Variants in GSTM4 observed in about 807,000 individuals in gnomAD.
GSTM4 encodes the protein GST class-mu 4.
Under a neutral mutation model 30.1 loss-of-function variants are expected in GSTM4, and 27 were observed. That is an observed-to-expected ratio of 0.90 (90% CI 0.66 to 1.24). GSTM4 has a LOEUF of 1.24. GSTM4 is among the 50% of genes most tolerant of loss of function. The pLI is 0.00. For synonymous variants in GSTM4, 94 were observed against 96.2 expected, an observed-to-expected ratio of 0.98 and a Z score of 0.13; for missense variants, 238 against 272.1, an observed-to-expected ratio of 0.87 and a Z score of 0.88.
Position 109,657,682 on chromosome 1 carries a change from T to C in GSTM4, c.259+11T>C, listed in dbSNP as rs1557951757. The C allele has an allele frequency of 6.2e-7, 1 of 1,614,046 alleles. No homozygotes were observed. Among genetic ancestry groups the C allele is most frequent in the Non-Finnish European group, 8.5e-7 (1 of 1,180,030 alleles). On this transcript the variant is annotated intron_variant, in intron 4 of 7. Transcript: ENST00000369836. Reference sequence around the variant, plus strand: ...GCAAGCACAACCTGTGTGAGTGTGGTTGGCTGCAGTGTGTGGGGGGAAGGT... The same window carrying C: ...GCAAGCACAACCTGTGTGAGTGTGGCTGGCTGCAGTGTGTGGGGGGAAGGT...
chr1:109,659,895 A>G (rs952757841), intron 7 of GSTM4: 1 of 442,016 alleles, frequency 2.3e-6, no homozygotes, highest in African/African-American at 2.1e-5. Flanking sequence ...TGGGAGTTGC[A>G]TAGATGACTG....
intron 5 of GSTM4, 40 bp downstream of exon 5, chr1:109,657,912 A>T (rs1240747884): frequency 6.5e-7 from 1 of 1,549,870 alleles, no homozygotes; most frequent in Non-Finnish European, 8.9e-7. Flanking sequence ...CCAGGCTTGT[A>T]TTCCCATCTA....
downstream of GSTM4, chr1:109,665,007 C>T: frequency 6.2e-7 from 1 of 1,608,874 alleles, no homozygotes; most frequent in Non-Finnish European, 8.5e-7. Flanking sequence ...TGATTCTGTT[C>T]TAGGTTTCCT....
Position 109,661,594 on chromosome 1 carries a change from T to G in GSTM4, c.*340T>G. On this transcript the variant is annotated 3_prime_UTR_variant, in exon 8 of 8. Coordinates refer to ENST00000369836, the MANE Select transcript of GSTM4 (RefSeq NM_000850.5). ...GCCCCTCGCCTGTGGAGCTCAGCCC[T>G]GAGCTGTCCCCGTGTTGCATGACAG... The G allele has an allele frequency of 8.0e-7, 1 of 1,253,008 alleles. No individual in the cohort carries two copies. The highest frequency in any genetic ancestry group is 1.0e-6 in the Non-Finnish European group (1 of 987,838). 77.6% of individuals were successfully genotyped at this position (1,253,008 alleles called of 1,614,324 possible). A position where few individuals can be genotyped will look rare whatever the true frequency, so the allele number is the denominator to read the frequency against.
downstream of GSTM4, among the ~76,000 whole-genome samples, chr1:109,666,508 A>G (rs1647327325): frequency 6.6e-6 from 1 of 152,158 alleles, no homozygotes; most frequent in African/African-American, 2.4e-5. Context: ...AAGGCTGCCC[A>G]GCCTGTCCAC....
chr1:109,661,807 AT>A, downstream of GSTM4: 1 of 622,680 alleles, frequency 1.6e-6, no homozygotes, highest in Non-Finnish European at 2.0e-6. Context: ...GTTCATAGAG[AT>A]TATGATGGGC....
downstream of GSTM4, among the ~76,000 whole-genome samples, chr1:109,664,631 A>G (rs1182541761): frequency 6.6e-6 from 1 of 152,028 alleles, no homozygotes. Flanking sequence ...AAGTGCTAGG[A>G]TTACAGGCTT....
downstream of GSTM4, among the ~76,000 whole-genome samples, chr1:109,664,302 T>C (rs1647225836): frequency 6.7e-6 from 1 of 148,924 alleles, no homozygotes; most frequent in African/African-American, 2.5e-5. Context: ...AATGGTGTTA[T>C]GGTATTATCA....
At chr1:109,665,359 C>A (rs1029799173), downstream of GSTM4, 4 of 370,848 alleles carry the variant, frequency 1.1e-5, no homozygotes, top group African/African-American at 8.1e-5. Flanking sequence ...AGGCCTTTAG[C>A]CTCTGAATGA....
chr1:109,661,265 G>T lies in GSTM4; in HGVS notation c.*11G>T. The T allele has an allele frequency of 1.2e-6, 2 of 1,612,394 alleles. No homozygotes were observed. Among genetic ancestry groups the T allele is most frequent in the Non-Finnish European group, 1.7e-6 (2 of 1,179,674 alleles). ...TGGGGCAACAAGTAATGCCTTGAAG[G>T]CCAGGAGGTGGGAGTGAGGAGCCCA... is the stretch of plus-strand genomic sequence containing the variant. On this transcript the variant is annotated 3_prime_UTR_variant, in exon 8 of 8. Transcript: ENST00000369836.
intron 3 of GSTM4, 140 bp downstream of exon 3, chr1:109,657,419 C>A (rs1374759249): frequency 2.8e-6 from 4 of 1,407,046 alleles, no homozygotes; most frequent in African/African-American, 1.4e-5. Context: ...ACAGCCCCTG[C>A]ATGATGTTCT....
chr1:109,664,590 C>T (rs535361949), downstream of GSTM4, among the ~76,000 whole-genome samples: 2 of 151,824 alleles, frequency 1.3e-5, no homozygotes, highest in Non-Finnish European at 2.9e-5. Flanking sequence ...GAACTCCTGA[C>T]CTCACGTGAT....
rs182526039 is a variant in GSTM4, at chr1:109,660,834, T to C, written c.568-331T>C. On this transcript the variant is annotated intron_variant, in intron 7 of 7. Transcript: ENST00000369836. Reference sequence around the variant, plus strand: ...AGTTACTGAACTTCTGTTTCCCACATGAGAAATGGTGATAATAGATTCAGC... The same window carrying C: ...AGTTACTGAACTTCTGTTTCCCACACGAGAAATGGTGATAATAGATTCAGC... 9 of 317,240 alleles carry C rather than the reference T, an allele frequency of 2.8e-5. No homozygotes were observed. In the East Asian group the frequency reaches 6.1e-4, roughly 22 times the overall value. The allele number at this position is 317,240 out of a possible 1,614,324, so 19.7% of individuals were successfully genotyped here. A position where few individuals can be genotyped will look rare whatever the true frequency, so the allele number is the denominator to read the frequency against.
chr1:109,658,650 T>G, intron 5 of GSTM4, 164 bp from the exon 6 acceptor site: 2 of 645,962 alleles, frequency 3.1e-6, no homozygotes, highest in Non-Finnish European at 5.6e-6. Flanking sequence ...CAGCTACCCA[T>G]TTGGAGTGTA....
In GSTM4 at chr1:109,656,698, G is replaced by T; in HGVS notation, c.37-14G>T. The stretch of plus-strand genomic sequence containing the variant: ...CCTCCATCTCTGACACGACCTGCGG[G>T]CCATCTCTTCCAGCTGGCCCACGCC... On this transcript the variant is annotated splice_polypyrimidine_tract_variant and intron_variant, in intron 1 of 7. Transcript: ENST00000369836. 6.2e-7 allele frequency: 1 copy of T among 1,613,206 alleles called. No individual in the cohort carries two copies. Among genetic ancestry groups the T allele is most frequent in the Non-Finnish European group, 8.5e-7 (1 of 1,179,366 alleles).
Position 109,658,927 on chromosome 1 carries a change from T to C in GSTM4, c.456+18T>C. On this transcript the variant is annotated intron_variant, in intron 6 of 7. Transcript: ENST00000369836. ...GAGACAAGGTAATGGGGGCATGTGA[T>C]GAGGACACTAGAGATTTGCCATACA... 6.2e-7 allele frequency: 1 copy of C among 1,612,124 alleles called. No individual in the cohort carries two copies. Among genetic ancestry groups the C allele is most frequent in the South Asian group, 1.1e-5 (1 of 91,046 alleles).
intron 3 of GSTM4, 117 bp from the exon 4 acceptor site, chr1:109,657,473 G>A: frequency 6.7e-7 from 1 of 1,499,544 alleles, no homozygotes; most frequent in East Asian, 2.3e-5. Context: ...TCTATGTCAG[G>A]CCTGCCATGA....
chr1:109,661,124 C>T (rs1216537528), intron 7 of GSTM4, 41 bp from the exon 8 acceptor site: 3 of 1,608,762 alleles, frequency 1.9e-6, no homozygotes, highest in East Asian at 4.5e-5. Flanking sequence ...CCCTCATGGG[C>T]AGCTGACCTT....
intron 5 of GSTM4, chr1:109,658,367 C>T (rs956288057): frequency 1.4e-4 from 31 of 215,606 alleles, no homozygotes; most frequent in African/African-American, 7.1e-4. Flanking sequence ...CCTCTGTCTC[C>T]TTCCATGCAG....
Sources: gnomAD v4.1 joint callset for allele counts (sites outside exome capture counted in the v4.1 genomes callset) on GRCh38, gnomAD v4.1.1 for gene constraint, MANE v1.5 for transcripts, NCBI Gene and HGNC (gene_info 2026-07-23, HGNC 2026-07-21) for gene names.